SMARCC2: variants seen among roughly 807,000 people sequenced by gnomAD.
The protein encoded by SMARCC2 is SWI/SNF related BAF chromatin remodeling complex subunit C2.
A neutral mutation model predicts 151.3 loss-of-function variants in SMARCC2; 15 were observed. The ratio of observed to expected loss-of-function variants is 0.10; its 90% CI spans 0.07 to 0.15. SMARCC2 has a LOEUF of 0.15. Among genes scored for constraint, SMARCC2 ranks in the 10% least tolerant of loss-of-function variants. The pLI is 1.00. For missense variants in SMARCC2, 1,031 were observed against 1,599.7 expected, an observed-to-expected ratio of 0.64 and a Z score of 6.06; for synonymous variants, 590 against 609.5, an observed-to-expected ratio of 0.97 and a Z score of 0.47.
Position 56,164,464 on chromosome 12 carries a change from G to C in SMARCC2, c.3500C>G (p.Pro1167Arg). The C allele has an allele frequency of 6.2e-7, 1 of 1,614,208 alleles. No individual in the cohort carries two copies. ...APGTLPPPNLPVSMANPLHPN... is the reference protein window; with the variant it reads ...APGTLPPPNLRVSMANPLHPN... ...ATGTAGAGGGTTCGCCATGGACACA[G>C]GCAGGTTAGGTGGGGGGAGAGTGCC... is the stretch of plus-strand genomic sequence containing the variant. Residue 1167 changes from proline (P) to arginine (R), a missense_variant, in exon 28 of 29, where the codon CCT (proline) becomes CGT (arginine). By Grantham distance (103) the Pro-to-Arg change is moderately radical. Around this residue, in one of 12 missense-constraint regions of SMARCC2, gnomAD observed 310 missense variants for 350.0 expected, o/e 0.89. Coordinates refer to ENST00000550164, the MANE Select transcript of SMARCC2 (RefSeq NM_001330288.2).
At chr12:56,170,333 G>A (rs1423345087) in intron 22 of SMARCC2, 125 bp from the exon 23 acceptor site, 1 of 790,796 alleles carries the variant, frequency 1.3e-6, no homozygotes, top group East Asian at 2.7e-5. Flanking sequence ...CAAACTCCTG[G>A]GCCCACGCAA....
At chr12:56,183,199 G>C (rs1160099765) in intron 7 of SMARCC2, 2 of 153,198 alleles carry the variant, frequency 1.3e-5, no homozygotes, top group Non-Finnish European at 2.9e-5. Flanking sequence ...CTGTCGCCCA[G>C]GCTAGAGTGC....
At chr12:56,189,210 G>T in intron 1 of SMARCC2, 141 bp downstream of exon 1, 4 of 380,838 alleles carry the variant, frequency 1.1e-5, no homozygotes, top group Non-Finnish European at 1.8e-5. Context: ...CGGGAGCGCA[G>T]GAGGGCGCGC....
At chr12:56,170,341 C>G in intron 22 of SMARCC2, 133 bp from the exon 23 acceptor site, 1 of 747,712 alleles carries the variant, frequency 1.3e-6, no homozygotes, top group South Asian at 1.6e-5. Flanking sequence ...TGGGCCCACG[C>G]AATCCTCCCA....
chr12:56,176,816 GTT>G (rs967691685), intron 15 of SMARCC2, among the ~76,000 whole-genome samples: 1 of 148,148 alleles, frequency 6.8e-6, no homozygotes, highest in Non-Finnish European at 1.5e-5. Context: ...AATTTTTTTT[GTT>G]TTTGTTTTTT....
chr12:56,170,549 CTGTG>C (rs912718557), intron 22 of SMARCC2, among the ~76,000 whole-genome samples: 1 of 151,648 alleles, frequency 6.6e-6, no homozygotes, highest in African/African-American at 2.4e-5. Flanking sequence ...CCTCAGCCTC[CTGTG>C]TATCTGGGGC....
intron 3 of SMARCC2, chr12:56,185,502 G>C (rs1316783904): frequency 4.4e-6 from 1 of 227,134 alleles, no homozygotes; most frequent in African/African-American, 2.4e-5. Context: ...TTCTTGAGAG[G>C]GAGTCCCGCT....
At chr12:56,175,673 T>C (rs1874804153) in intron 15 of SMARCC2, among the ~76,000 whole-genome samples, 1 of 152,132 alleles carries the variant, frequency 6.6e-6, no homozygotes, top group East Asian at 1.9e-4. Flanking sequence ...CAGATCCTGG[T>C]TTTATTTACT....
chr12:56,170,003 C>T (rs1349765706), intron 23 of SMARCC2, 92 bp from the exon 24 acceptor site: 16 of 1,451,872 alleles, frequency 1.1e-5, no homozygotes, highest in Non-Finnish European at 1.5e-5. Context: ...AAATTTATTC[C>T]TCTTACTTTG....
chr12:56,172,790 C>T, intron 18 of SMARCC2, 86 bp from the exon 19 acceptor site: 1 of 1,594,424 alleles, frequency 6.3e-7, no homozygotes, highest in Non-Finnish European at 8.5e-7. Context: ...ACAGAAGGAG[C>T]TTCTTTCCCA....
At chr12:56,164,153 A>G in intron 28 of SMARCC2, 150 bp downstream of exon 28, 1 of 736,246 alleles carries the variant, frequency 1.4e-6, no homozygotes, top group Admixed American at 3.0e-5. Context: ...ACGGCCAGAG[A>G]GGCCCTTCCT....
chr12:56,176,681 C>T (rs1239917752), intron 15 of SMARCC2, among the ~76,000 whole-genome samples: 1 of 150,584 alleles, frequency 6.6e-6, no homozygotes, highest in Non-Finnish European at 1.5e-5. Context: ...CGCTCTGTCA[C>T]CCCGGCTGGA....
At chr12:56,185,177 G>C in intron 3 of SMARCC2, 66 bp from the exon 4 acceptor site, 2 of 1,331,516 alleles carry the variant, frequency 1.5e-6, no homozygotes, top group Non-Finnish European at 2.2e-6. Context: ...GAGGGCACGT[G>C]ACTTTTTTGT....
intron 26 of SMARCC2, 95 bp downstream of exon 26, chr12:56,167,965 C>T (rs905952054): frequency 1.9e-6 from 2 of 1,051,784 alleles, no homozygotes; most frequent in African/African-American, 1.7e-5. Context: ...CACACACACA[C>T]ACACACACAC....
At position 56,186,348 on chromosome 12, in the gene SMARCC2, CCTT is replaced by C. The variant is rs756860802; in HGVS notation, c.232-111_232-109del. On this transcript the variant is annotated intron_variant, in intron 2 of 28. Coordinates refer to ENST00000550164, the MANE Select transcript of SMARCC2 (RefSeq NM_001330288.2). Reference sequence around the variant, plus strand: ...CAAAATCCCATGCTGAATTGATCTCCCTTTTTTTTTTTTTTTTTTGAGATGGAG... The same window carrying C: ...CAAAATCCCATGCTGAATTGATCTCCTTTTTTTTTTTTTTTTGAGATGGAG... 5.9e-4 allele frequency: 399 copies of C among 675,778 alleles called. 1 individual carries two copies. The highest frequency in any genetic ancestry group is 4.0e-3 in the African/African-American group (219 of 54,114). The allele number at this position is 675,778 out of a possible 1,614,324, so 41.9% of individuals were successfully genotyped here.
At chr12:56,184,803 G>A (rs746044822) in intron 5 of SMARCC2, 41 bp downstream of exon 5, 4 of 1,194,042 alleles carry the variant, frequency 3.3e-6, no homozygotes, top group Non-Finnish European at 5.0e-6. Flanking sequence ...TGGGAAAACA[G>A]TCATGGAGTT....
intron 7 of SMARCC2, chr12:56,183,323 AT>A (rs56122523): frequency 0.66 from 91,542 of 139,486 alleles, 34,082 homozygotes; most frequent in East Asian, 0.95. Flanking sequence ...CGCCCTGCTA[AT>A]TTTTTTTTTT....
chr12:56,181,729 ATCT>A lies in SMARCC2; in HGVS notation c.812_814del (p.Lys271del). On this transcript the variant is annotated inframe_deletion, in exon 9 of 29. Coordinates refer to ENST00000550164, the MANE Select transcript of SMARCC2 (RefSeq NM_001330288.2). ...CTCATCTGTCAGTGTCTTGGCTGAAATCTTCTTTCGGCGGGAGACAGGGTTTTT... is the reference window on the plus strand; with the variant it reads ...CTCATCTGTCAGTGTCTTGGCTGAAATCTTTCGGCGGGAGACAGGGTTTTT... 1.2e-6 allele frequency: 2 copies of A among 1,614,160 alleles called. No homozygotes were observed. The highest frequency in any genetic ancestry group is 2.2e-5 in the East Asian group (1 of 44,888).
chr12:56,165,452 G>A lies in SMARCC2; in HGVS notation c.3098C>T (p.Ala1033Val). 1 of 1,536,746 alleles carries A rather than the reference G, an allele frequency of 6.5e-7. No homozygotes were observed. The highest frequency in any genetic ancestry group is 8.8e-7 in the Non-Finnish European group (1 of 1,142,594). The change falls in exon 27 of 29, where the codon GCC becomes GTC. Residue 1033 changes from alanine to valine, a missense_variant. This residue lies in a region of SMARCC2 where 310 missense variants were observed against 350.0 expected (regional missense o/e 0.89). Transcript: ENST00000550164. ...AGAAGGGCCCAAACTTCCTGGAGGGGCCCCACTGCCAGCAGGAGCAGGGAC... is the reference window on the plus strand; with the variant it reads ...AGAAGGGCCCAAACTTCCTGGAGGGACCCCACTGCCAGCAGGAGCAGGGAC... Reference protein sequence around the residue: ...SVVPAPAGSGAPPGSLGPSEQ... With the variant: ...SVVPAPAGSGVPPGSLGPSEQ...
Sources: gnomAD v4.1 joint callset for allele counts (sites outside exome capture counted in the v4.1 genomes callset) on GRCh38, gnomAD v4.1.1 for gene constraint, gnomAD v4.1.1 regional missense constraint, MANE v1.5 for transcripts, NCBI Gene and HGNC (gene_info 2026-07-23, HGNC 2026-07-21) for gene names.